Variants in ITGAV observed in about 807,000 individuals in gnomAD.
ITGAV encodes integrin alpha-V.
Under a neutral mutation model 143.8 loss-of-function variants are expected in ITGAV, and 76 were observed. The observed-to-expected ratio is 0.53, with a 90% CI of 0.44 to 0.64. ITGAV has a LOEUF of 0.64. Ranked by LOEUF, ITGAV falls within the 30% of genes least tolerant of loss-of-function variation. The pLI is 0.00. For missense variants in ITGAV, 1,193 were observed against 1,274.7 expected (o/e 0.94, Z 0.98); for synonymous variants, 453 against 446.7 (o/e 1.01, Z -0.18).
chr2:186,664,825 T>C (rs565034162), intron 20 of ITGAV, among the ~76,000 whole-genome samples, 184 bp downstream of exon 20: 28 of 152,340 alleles, frequency 1.8e-4, no homozygotes, highest in Admixed American at 4.6e-4. Flanking sequence ...TGCATTGATA[T>C]GACATTTTTA....
chr2:186,671,945 C>CT (rs370408067), intron 26 of ITGAV, among the ~76,000 whole-genome samples: 52,828 of 131,384 alleles, frequency 0.4, 11,307 homozygotes, highest in South Asian at 0.53. Flanking sequence ...CTTAGTACTC[C>CT]TTTTTTTTTT....
At chr2:186,617,778 CT>C (rs1687407730) in intron 2 of ITGAV, among the ~76,000 whole-genome samples, 1 of 151,178 alleles carries the variant, frequency 6.6e-6, no homozygotes, top group African/African-American at 2.4e-5. Context: ...CTCTTTTTTT[CT>C]TTTTTATTTA....
At position 186,675,959 on chromosome 2, in the gene ITGAV, T is replaced by G. The variant is rs371422487; in HGVS notation, c.2928+32T>G. On this transcript the variant is annotated intron_variant, in intron 28 of 29. Transcript: ENST00000261023. ...CATTGGTTTAGGCAAATAGAATAAATTTACTCAATTCAAATGCTGTACATG... is the reference window on the plus strand; with the variant it reads ...CATTGGTTTAGGCAAATAGAATAAAGTTACTCAATTCAAATGCTGTACATG... 2.6e-6 allele frequency: 3 copies of G among 1,151,192 alleles called. No homozygotes were observed. In the African/African-American group the frequency reaches 4.6e-5, roughly 18 times the overall value. The allele number at this position is 1,151,192 out of a possible 1,614,324, so 71.3% of individuals were successfully genotyped here.
At chr2:186,644,300 T>C (rs1688188207) in intron 12 of ITGAV, among the ~76,000 whole-genome samples, 1 of 151,788 alleles carries the variant, frequency 6.6e-6, no homozygotes, top group Non-Finnish European at 1.5e-5. Context: ...TGCTTATCTT[T>C]GGTTTTTTTG....
intron 20 of ITGAV, among the ~76,000 whole-genome samples, chr2:186,664,871 T>C (rs559535139): frequency 6.6e-6 from 1 of 152,324 alleles, no homozygotes; most frequent in South Asian, 2.1e-4. Flanking sequence ...CAAGGTTAGA[T>C]AGATAAAGTG....
chr2:186,602,444 C>T (rs1309672549), intron 2 of ITGAV, among the ~76,000 whole-genome samples: 1 of 152,086 alleles, frequency 6.6e-6, no homozygotes, highest in Non-Finnish European at 1.5e-5. Context: ...GTTTTTGTAC[C>T]TTTTCTGAGA....
At chr2:186,653,578 T>C (rs1688503369) in intron 15 of ITGAV, among the ~76,000 whole-genome samples, 1 of 152,248 alleles carries the variant, frequency 6.6e-6, no homozygotes, top group Non-Finnish European at 1.5e-5. Context: ...ATTTCTTTAA[T>C]TGGATTACAT....
rs1284749966 is a variant in ITGAV, at chr2:186,635,491, A to G, written c.632-591A>G. On this transcript the variant is annotated intron_variant, in intron 6 of 29. Transcript: ENST00000261023. ...TGTTAGCTGTTACACATTTCTTTCT[A>G]AAACAGCAGAAATGATAAGAGATTA... Among the ~76,000 whole-genome samples, 9 of 152,326 alleles carry G rather than the reference A, an allele frequency of 5.9e-5. No individual in the cohort carries two copies. In the East Asian group the frequency reaches 1.7e-3, roughly 29 times the overall value.
In ITGAV at chr2:186,591,851, C is replaced by T. The variant is rs559825527; in HGVS notation, c.185+1328C>T. Among the ~76,000 whole-genome samples, 3 of 152,150 alleles carry T rather than the reference C, an allele frequency of 2.0e-5. No individual in the cohort carries two copies. In the South Asian group the frequency reaches 6.4e-4, roughly 32 times the overall value. On this transcript the variant is annotated intron_variant, in intron 1 of 29. Coordinates refer to ENST00000261023, the MANE Select transcript of ITGAV (RefSeq NM_002210.5). The stretch of plus-strand genomic sequence containing the variant: ...AGCAGTTACAGTGCTTTCTGTGAGA[C>T]CTGGAGCACAGATTTTCCAACATGA...
intron 19 of ITGAV, 69 bp from the exon 20 acceptor site, chr2:186,664,425 C>A: frequency 6.9e-7 from 1 of 1,454,296 alleles, no homozygotes; most frequent in Non-Finnish European, 9.5e-7. Flanking sequence ...TCTCTTCTTT[C>A]TTTGAACAGT....
chr2:186,654,844 T>A (rs1559061645), intron 16 of ITGAV, 136 bp downstream of exon 16: 6 of 520,494 alleles, frequency 1.2e-5, no homozygotes. Flanking sequence ...TTAAAGACAT[T>A]TAAGATTTCA....
intron 12 of ITGAV, among the ~76,000 whole-genome samples, chr2:186,643,727 A>T (rs759525786): frequency 2.6e-5 from 4 of 152,198 alleles, no homozygotes; most frequent in Non-Finnish European, 4.4e-5. Context: ...CAGAGGAAAA[A>T]AAAGAAAAGC....
intron 12 of ITGAV, among the ~76,000 whole-genome samples, chr2:186,643,311 A>G (rs982166615): frequency 6.6e-6 from 1 of 152,200 alleles, no homozygotes; most frequent in Non-Finnish European, 1.5e-5. Context: ...TGATTTTACA[A>G]AGGGCTAAAA....
intron 2 of ITGAV, among the ~76,000 whole-genome samples, chr2:186,614,166 C>T (rs1490615808): frequency 1.3e-5 from 2 of 152,000 alleles, no homozygotes; most frequent in African/African-American, 4.8e-5. Flanking sequence ...ACCTTTAAAA[C>T]ATTTTATAAA....
chr2:186,679,064 T>G lies in ITGAV; in HGVS notation c.*1772T>G, dbSNP rs1689287596. On this transcript the variant is annotated 3_prime_UTR_variant, in exon 30 of 30. Transcript: ENST00000261023. ...TTATTAGTAGCTTGAAAGAGCTTAATCATATGCAGTAAGTATTTTTATTAC... is the reference window on the plus strand; with the variant it reads ...TTATTAGTAGCTTGAAAGAGCTTAAGCATATGCAGTAAGTATTTTTATTAC... The G allele has an allele frequency of 6.4e-6, 1 of 156,540 alleles. No individual in the cohort carries two copies. The highest frequency in any genetic ancestry group is 1.4e-5 in the Non-Finnish European group (1 of 70,908). 9.7% of individuals were successfully genotyped at this position (156,540 alleles called of 1,614,324 possible).
Position 186,607,971 on chromosome 2 carries a change from G to A in ITGAV, c.316+5820G>A, listed in dbSNP as rs1301418163. Reference sequence around the variant, plus strand: ...TGGCATGTGTTTTGTGGCGACTCTGGAAGCTATGGCTATGGAGTTGTTGCA... The same window carrying A: ...TGGCATGTGTTTTGTGGCGACTCTGAAAGCTATGGCTATGGAGTTGTTGCA... On this transcript the variant is annotated intron_variant, in intron 2 of 29. Transcript: ENST00000261023. 7.2e-5 allele frequency among the ~76,000 whole-genome samples: 11 copies of A among 152,166 alleles called. 1 individual carries two copies. The highest frequency in any genetic ancestry group is 5.9e-5 in the Non-Finnish European group (4 of 68,030).
At chr2:186,671,703 C>T (rs1689066351) in intron 26 of ITGAV, among the ~76,000 whole-genome samples, 1 of 151,942 alleles carries the variant, frequency 6.6e-6, no homozygotes, top group Non-Finnish European at 1.5e-5. Flanking sequence ...AACATTGAAC[C>T]ACCATTACCA....
Position 186,636,165 on chromosome 2 carries a change from G to T in ITGAV, c.715G>T (p.Ala239Ser). ...CAGCATCAAGTATAATAACCAATTA[G>T]CAACTCGGACTGCACAAGCTATTTT... ...VYSIKYNNQL[A>S]TRTAQAIFDD... Residue 239 changes from alanine to serine, a missense_variant, in exon 7 of 30, where the codon GCA (alanine) becomes TCA (serine). Coordinates refer to ENST00000261023, the MANE Select transcript of ITGAV (RefSeq NM_002210.5). 6.2e-7 allele frequency: 1 copy of T among 1,612,844 alleles called. No homozygotes were observed. The highest frequency in any genetic ancestry group is 1.1e-5 in the South Asian group (1 of 90,860).
chr2:186,624,032 C>T (rs928737289), intron 3 of ITGAV, among the ~76,000 whole-genome samples: 4 of 152,180 alleles, frequency 2.6e-5, no homozygotes, highest in African/African-American at 9.6e-5. Flanking sequence ...CAAGCTCATA[C>T]TGCCTTAAAA....
Sources: allele counts gnomAD v4.1 joint callset (sites outside exome capture counted in the v4.1 genomes callset), GRCh38; gene constraint gnomAD v4.1.1; transcripts MANE v1.5; gene names NCBI Gene and HGNC (gene_info 2026-07-23, HGNC 2026-07-21).